The following RAB5C variants were observed in gnomAD, a reference collection of about 807,000 sequenced individuals.
RAB5C encodes the protein ras-related protein Rab-5C.
A neutral mutation model predicts 25.2 loss-of-function variants in RAB5C; 4 were observed. That is an observed-to-expected ratio of 0.16 (90% CI 0.08 to 0.36). The LOEUF (loss-of-function observed/expected upper bound fraction) is 0.36, where lower values mean the gene tolerates loss of function less well. Among genes scored for constraint, RAB5C ranks in the 10% least tolerant of loss-of-function variants. RAB5C has a pLI of 1.00. For missense variants in RAB5C, 199 were observed against 283.8 expected, an observed-to-expected ratio of 0.70 and a Z score of 2.15; for synonymous variants, 100 against 106.4, an observed-to-expected ratio of 0.94 and a Z score of 0.37.
chr17:42,141,292 G>A (rs961709048), intron 1 of RAB5C, among the ~76,000 whole-genome samples: 1 of 152,174 alleles, frequency 6.6e-6, no homozygotes, highest in Non-Finnish European at 1.5e-5. Flanking sequence ...AGAACTTGGG[G>A]GACTGAGGGT....
chr17:42,153,916 T>G (rs963048682), intron 1 of RAB5C, among the ~76,000 whole-genome samples: 6 of 152,224 alleles, frequency 3.9e-5, no homozygotes, highest in South Asian at 2.1e-4. Context: ...CTGAAGGGAT[T>G]GCAGACAGAC....
chr17:42,139,430 T>C (rs1452544027), intron 1 of RAB5C, among the ~76,000 whole-genome samples: 1 of 152,172 alleles, frequency 6.6e-6, no homozygotes, highest in Non-Finnish European at 1.5e-5. Flanking sequence ...GAGGGCCCAG[T>C]GTCTAACAGC....
At chr17:42,136,066 A>T (rs75329734) in intron 1 of RAB5C, among the ~76,000 whole-genome samples, 7,353 of 152,324 alleles carry the variant, frequency 0.048, 269 homozygotes, top group Non-Finnish European at 0.074. Context: ...ATATTTAAAC[A>T]AGAGTCCAGC....
intron 1 of RAB5C, among the ~76,000 whole-genome samples, chr17:42,151,205 G>C (rs2079668628): frequency 6.6e-6 from 1 of 152,150 alleles, no homozygotes; most frequent in South Asian, 2.1e-4. Context: ...GGGAGGCCAG[G>C]GTGGGCGGAT....
rs139405620 is a variant in RAB5C at position 42,136,662 on chromosome 17, A to G, written c.-88-6072T>C. 3.9e-5 allele frequency among the ~76,000 whole-genome samples: 6 copies of G among 152,332 alleles called. No individual in the cohort carries two copies. In the East Asian group the frequency reaches 1.2e-3, roughly 29 times the overall value. On this transcript the variant is annotated intron_variant, in intron 1 of 5. Coordinates refer to ENST00000346213, the MANE Select transcript of RAB5C (RefSeq NM_004583.4). ...GTATCAGGCTGAAGGTGAGCTTTCA[A>G]CAAGTGGCAGGTTTATTACCCCAGA...
chr17:42,154,121 G>C (rs1258726894), intron 1 of RAB5C, among the ~76,000 whole-genome samples: 1 of 152,184 alleles, frequency 6.6e-6, no homozygotes, highest in Non-Finnish European at 1.5e-5. Context: ...TGGGAGGACA[G>C]AGCTGAGCCT....
intron 1 of RAB5C, among the ~76,000 whole-genome samples, chr17:42,135,383 G>T (rs552454335): frequency 6.6e-6 from 1 of 151,746 alleles, no homozygotes; most frequent in East Asian, 1.9e-4. Flanking sequence ...TCAGCCTCCA[G>T]TCAAACTCTT....
chr17:42,144,983 A>G (rs1456692398), intron 1 of RAB5C, among the ~76,000 whole-genome samples: 6 of 125,590 alleles, frequency 4.8e-5, no homozygotes, highest in African/African-American at 1.7e-4. Context: ...AAAAAAAAGA[A>G]ACCCCATCTC....
intron 1 of RAB5C, among the ~76,000 whole-genome samples, chr17:42,140,627 G>A (rs1379451779): frequency 6.7e-6 from 1 of 148,250 alleles, no homozygotes; most frequent in Admixed American, 6.9e-5. Flanking sequence ...GGGTTCAAGC[G>A]ATTCTCGTGC....
At chr17:42,133,541 C>T (rs59781854) in intron 1 of RAB5C, among the ~76,000 whole-genome samples, 1,769 of 152,274 alleles carry the variant, frequency 0.012, 20 homozygotes, top group African/African-American at 0.041. Context: ...GCCAGCCCCT[C>T]GAGATTCTCA....
chr17:42,128,405 G>A (rs1385659204), intron 3 of RAB5C, 22 bp from the exon 4 acceptor site: 2 of 1,605,816 alleles, frequency 1.2e-6, no homozygotes, highest in Non-Finnish European at 1.7e-6. Flanking sequence ...GGGACAGAAT[G>A]TCGAAGGGAC....
At chr17:42,152,076 T>G (rs1317482164) in intron 1 of RAB5C, among the ~76,000 whole-genome samples, 2 of 151,956 alleles carry the variant, frequency 1.3e-5, no homozygotes, top group Non-Finnish European at 2.9e-5. Flanking sequence ...ACTACTTAAG[T>G]TCCTTCTGCA....
At chr17:42,136,435 C>T (rs903992067) in intron 1 of RAB5C, 1 of 152,256 alleles carries the variant, frequency 6.6e-6, no homozygotes, top group African/African-American at 2.4e-5. Context: ...TACCCACAAC[C>T]TTCCCCAGCG....
intron 5 of RAB5C, among the ~76,000 whole-genome samples, chr17:42,126,298 G>C (rs995079881): frequency 6.6e-6 from 1 of 152,118 alleles, no homozygotes; most frequent in African/African-American, 2.4e-5. Context: ...CTACATCTGG[G>C]AGTCAGGTGA....
chr17:42,145,619 C>A (rs1227356555), intron 1 of RAB5C, among the ~76,000 whole-genome samples: 2 of 152,098 alleles, frequency 1.3e-5, no homozygotes. Context: ...CATGGTGAAA[C>A]CTTGTCTCTA....
chr17:42,131,077 G>C (rs1266866709), intron 1 of RAB5C, among the ~76,000 whole-genome samples: 3 of 152,126 alleles, frequency 2.0e-5, no homozygotes, highest in Non-Finnish European at 2.9e-5. Context: ...GGCCCAAGAG[G>C]TCCTGGTAGA....
intron 5 of RAB5C, 35 bp downstream of exon 5, chr17:42,126,720 G>T: frequency 7.0e-7 from 1 of 1,420,158 alleles, no homozygotes; most frequent in Non-Finnish European, 9.9e-7. Context: ...TGCCCTTGCT[G>T]TGGTGGAGAG....
chr17:42,137,943 ACAAAGAT>A (rs2054554421), intron 1 of RAB5C: 1 of 152,258 alleles, frequency 6.6e-6, no homozygotes, highest in Non-Finnish European at 1.5e-5. Context: ...CCAACGGAGA[ACAAAGAT>A]ACCCAAATGT....
intron 1 of RAB5C, among the ~76,000 whole-genome samples, chr17:42,146,523 G>A (rs1364386420): frequency 6.6e-6 from 1 of 152,184 alleles, no homozygotes; most frequent in Non-Finnish European, 1.5e-5. Flanking sequence ...GGCCAAGGCA[G>A]GCAGACCACA....
Sources: allele counts gnomAD v4.1 joint callset (sites outside exome capture counted in the v4.1 genomes callset), GRCh38; gene constraint gnomAD v4.1.1; transcripts MANE v1.5; gene names NCBI Gene and HGNC (gene_info 2026-07-23, HGNC 2026-07-21).